Variants in TPCN1 observed in about 807,000 individuals in gnomAD.
TPCN1 encodes two pore segment channel 1, also known as two pore channel protein 1.
Under a neutral mutation model 108.8 loss-of-function variants are expected in TPCN1, and 52 were observed. The observed-to-expected ratio is 0.48, with a 90% CI of 0.38 to 0.60. The LOEUF is 0.60. Among genes scored for constraint, TPCN1 ranks in the 20% least tolerant of loss-of-function variants. The pLI, the probability that TPCN1 is intolerant of heterozygous loss-of-function variation, is 0.00. For missense variants in TPCN1, 806 were observed against 1,072.8 expected (o/e 0.75, Z 3.47); for synonymous variants, 446 against 433.7 (o/e 1.03, Z -0.35).
rs190619978 is a variant in TPCN1 at position 113,262,733 on chromosome 12, T to C, written c.237+2241T>C. Reference sequence around the variant, plus strand: ...CCTAAGCAGGTGAGGACATTGGTAATGAACATAGGAACTTTAAGGGGGCAC... The same window carrying C: ...CCTAAGCAGGTGAGGACATTGGTAACGAACATAGGAACTTTAAGGGGGCAC... On this transcript the variant is annotated intron_variant, in intron 3 of 27. Coordinates refer to ENST00000335509, the MANE Select transcript of TPCN1 (RefSeq NM_017901.6). Among the ~76,000 whole-genome samples, 37 of 152,258 alleles carry C rather than the reference T, an allele frequency of 2.4e-4. 1 individual carries two copies. The East Asian group carries it at 6.4e-3, about 26-fold the overall frequency.
At chr12:113,251,772 C>T (rs572808574) in intron 2 of TPCN1, among the ~76,000 whole-genome samples, 2 of 152,356 alleles carry the variant, frequency 1.3e-5, no homozygotes, top group East Asian at 3.9e-4. Context: ...TCCAAGGAGT[C>T]AGTCTTTTTC....
At chr12:113,227,420 G>A (rs746362132) in intron 2 of TPCN1, among the ~76,000 whole-genome samples, 1 of 152,202 alleles carries the variant, frequency 6.6e-6, no homozygotes, top group Non-Finnish European at 1.5e-5. Context: ...TTCTTGCCCA[G>A]GACAGCGGGG....
intron 14 of TPCN1, 26 bp downstream of exon 14, chr12:113,278,861 G>A (rs772661474): frequency 1.2e-6 from 2 of 1,612,056 alleles, no homozygotes; most frequent in Non-Finnish European, 1.7e-6. Context: ...TATGGCAGGT[G>A]TTGGCAGCTG....
Position 113,268,850 on chromosome 12 carries a change from C to A in TPCN1, c.637C>A (p.Arg213=). ...GCGCTGCATTTTCCTGGTGGACTGT[C>A]GGTATTGCGGTGGCGTCCGGCGGTA... ...ALRCIFLVDC[R]YCGGVRRNLR... is the part of the protein sequence containing the mutation. Residue 213 remains arginine, a synonymous_variant, in exon 6 of 28, where the codon CGG becomes AGG. Coordinates refer to ENST00000335509, the MANE Select transcript of TPCN1 (RefSeq NM_017901.6). The surrounding 1 kb of genome is among the most constrained non-coding windows in gnomAD (Gnocchi z 7.3). The A allele has an allele frequency of 6.2e-7, 1 of 1,613,954 alleles. No individual in the cohort carries two copies. Among genetic ancestry groups the A allele is most frequent in the East Asian group, 2.2e-5 (1 of 44,880 alleles).
intron 2 of TPCN1, among the ~76,000 whole-genome samples, chr12:113,252,965 G>A (rs1954703424): frequency 6.6e-6 from 1 of 152,194 alleles, no homozygotes; most frequent in African/African-American, 2.4e-5. Flanking sequence ...CCACTGTAGT[G>A]ATGGAAATGC....
At position 113,288,207 on chromosome 12, in the gene TPCN1, T is replaced by A. The variant is rs959425711; in HGVS notation, c.1679T>A (p.Met560Lys). The part of the protein sequence containing the change: ...KERYRNVLDT[M>K]FELLPRMASL... ...CGCTACCGCAACGTGCTGGACACCA[T>A]GTTCGAGCTGCTGCCCCGGATGGCC... The change falls in exon 20 of 28, where the codon ATG becomes AAG. Residue 560 changes from methionine (M) to lysine (K), a missense_variant. Coordinates refer to ENST00000335509, the MANE Select transcript of TPCN1 (RefSeq NM_017901.6). The surrounding 1 kb of genome is among the most constrained non-coding windows in gnomAD (Gnocchi z 4.8). 1.9e-6 allele frequency: 3 copies of A among 1,613,950 alleles called. No individual in the cohort carries two copies. The Admixed American group carries it at 5.0e-5, about 27-fold the overall frequency.
chr12:113,290,099 C>T lies in TPCN1; in HGVS notation c.1797-29C>T, dbSNP rs766197488. ...AGGTGACTGATCGCCTTGTGACCCT[C>T]CCTCCTTTCTCCCTTGTGCTCCGGC... On this transcript the variant is annotated intron_variant, in intron 21 of 27. Coordinates refer to ENST00000335509, the MANE Select transcript of TPCN1 (RefSeq NM_017901.6). The T allele has an allele frequency of 3.5e-6, 5 of 1,438,694 alleles. No homozygotes were observed. The African/African-American group carries it at 7.0e-5, about 20-fold the overall frequency. 89.1% of individuals were successfully genotyped at this position (1,438,694 alleles called of 1,614,324 possible).
In TPCN1 at chr12:113,293,032, ACCAGGCTGCTGGAGACCCTCT is replaced by A; in HGVS notation, c.2215_2235del (p.Arg739_Ser745del). ...GGCACGGGGGGCCTCCTCGGATGTC[ACCAGGCTGCTGGAGACCCTCT>A]CCCAGATGGAGAGATACCAGGTGAG... On this transcript the variant is annotated inframe_deletion, in exon 26 of 28. Transcript: ENST00000335509. 1 of 1,613,114 alleles carries A rather than the reference ACCAGGCTGCTGGAGACCCTCT, an allele frequency of 6.2e-7. No individual in the cohort carries two copies. The highest frequency in any genetic ancestry group is 2.2e-5 in the East Asian group (1 of 44,874).
At chr12:113,259,867 C>T (rs1315955603) in intron 2 of TPCN1, among the ~76,000 whole-genome samples, 4 of 152,148 alleles carry the variant, frequency 2.6e-5, no homozygotes, top group African/African-American at 9.7e-5. Flanking sequence ...GAGAGGAGGG[C>T]GTGGCTGTCA....
chr12:113,277,319 A>G lies in TPCN1; in HGVS notation c.1139A>G (p.Tyr380Cys), dbSNP rs1391698534. ...CCCCGGATGAGTGCCAGGGAGCGCT[A>G]TCTTACCTTCAAGGCCCTGAATCAG... ...YKPRMSARER[Y>C]LTFKALNQNN... The change falls in exon 12 of 28, where the codon TAT (tyrosine) becomes TGT (cysteine). Residue 380 changes from tyrosine (Y) to cysteine (C), a missense_variant. By Grantham distance (194) the Tyr-to-Cys change is radical. Transcript: ENST00000335509. 22 of 1,614,188 alleles carry G rather than the reference A, an allele frequency of 1.4e-5. No individual in the cohort carries two copies. Among genetic ancestry groups the G allele is most frequent in the South Asian group, 3.3e-5 (3 of 91,088 alleles).
chr12:113,270,856 G>A (rs372100511), intron 7 of TPCN1, among the ~76,000 whole-genome samples: 1 of 152,068 alleles, frequency 6.6e-6, no homozygotes, highest in Non-Finnish European at 1.5e-5. Flanking sequence ...TCCCACAGCC[G>A]CCACCTCCTA....
At chr12:113,236,813 T>A (rs1232340460) in intron 2 of TPCN1, among the ~76,000 whole-genome samples, 1 of 152,148 alleles carries the variant, frequency 6.6e-6, no homozygotes, top group Non-Finnish European at 1.5e-5. Context: ...TAAGCTTTGA[T>A]TTCCTCATCC....
At chr12:113,237,190 G>A (rs1953929746) in intron 2 of TPCN1, among the ~76,000 whole-genome samples, 1 of 152,096 alleles carries the variant, frequency 6.6e-6, no homozygotes, top group Non-Finnish European at 1.5e-5. Context: ...CCTGAATAGG[G>A]GTTACTTTTC....
At position 113,260,389 on chromosome 12, in the gene TPCN1, A is replaced by G. The variant is rs1162582609; in HGVS notation, c.134A>G (p.His45Arg). The G allele has an allele frequency of 6.6e-7, 1 of 1,507,100 alleles. No homozygotes were observed. Among genetic ancestry groups the G allele is most frequent in the Non-Finnish European group, 8.8e-7 (1 of 1,132,130 alleles). 93.4% of individuals were successfully genotyped at this position (1,507,100 alleles called of 1,614,324 possible). The change falls in exon 3 of 28, where the codon CAC (histidine) becomes CGC (arginine). Residue 45 changes from histidine to arginine, a missense_variant. By Grantham distance (29) the His-to-Arg change is conservative. Transcript: ENST00000335509. The part of the protein sequence containing the change: ...PSKNGGSYAI[H>R]DSQAPSLSSG... Reference sequence around the variant, plus strand: ...GCAGATGGCGGCAGCTATGCCATCCACGACTCCCAGGCCCCCAGTCTCAGC... The same window carrying G: ...GCAGATGGCGGCAGCTATGCCATCCGCGACTCCCAGGCCCCCAGTCTCAGC...
intron 17 of TPCN1, 50 bp from the exon 18 acceptor site, chr12:113,285,839 T>TG (rs760745531): frequency 7.4e-6 from 11 of 1,495,952 alleles, no homozygotes; most frequent in South Asian, 5.6e-5. Context: ...AGACCGAGCA[T>TG]GGGGGAGGAT....
rs1156748492 is a variant in TPCN1 at position 113,231,045 on chromosome 12, T to C, written c.112+4081T>C. Reference sequence around the variant, plus strand: ...TACTAAGGAGTTGGCAGAATGCAGATGCAGGCCATCCGCGGAGTTGGCAAC... The same window carrying C: ...TACTAAGGAGTTGGCAGAATGCAGACGCAGGCCATCCGCGGAGTTGGCAAC... On this transcript the variant is annotated intron_variant, in intron 2 of 27. Coordinates refer to ENST00000335509, the MANE Select transcript of TPCN1 (RefSeq NM_017901.6). This position sits in a 1 kb window ranked among gnomAD's most constrained non-coding sequence, Gnocchi z 4.3. 6.6e-6 allele frequency among the ~76,000 whole-genome samples: 1 copy of C among 152,224 alleles called. No homozygotes were observed. The highest frequency in any genetic ancestry group is 2.4e-5 in the African/African-American group (1 of 41,464).
At chr12:113,271,185 A>G (rs1955485274) in intron 7 of TPCN1, among the ~76,000 whole-genome samples, 1 of 152,066 alleles carries the variant, frequency 6.6e-6, no homozygotes, top group South Asian at 2.1e-4. Flanking sequence ...GTGAGGCAGG[A>G]GGATCACCTG....
rs1410954796 is a variant in TPCN1 at position 113,260,374 on chromosome 12, G to A, written c.119G>A (p.Gly40Asp). The change falls in exon 3 of 28, where the codon GGC becomes GAC. Residue 40 changes from glycine to aspartate, a missense_variant. Transcript: ENST00000335509. ...CTCTCCTCTTCCAATGCAGATGGCGGCAGCTATGCCATCCACGACTCCCAG... is the reference window on the plus strand; with the variant it reads ...CTCTCCTCTTCCAATGCAGATGGCGACAGCTATGCCATCCACGACTCCCAG... The part of the protein sequence containing the change: ...GQEELPSKNG[G>D]SYAIHDSQAP... 2.0e-6 allele frequency: 3 copies of A among 1,494,908 alleles called. No individual in the cohort carries two copies. Among genetic ancestry groups the A allele is most frequent in the East Asian group, 2.7e-5 (1 of 36,740 alleles). The allele number at this position is 1,494,908 out of a possible 1,614,324, so 92.6% of individuals were successfully genotyped here.
chr12:113,293,020 T>C lies in TPCN1; in HGVS notation c.2200T>C (p.Ser734Pro), dbSNP rs1566208442. The change falls in exon 26 of 28, where the codon TCC (serine) becomes CCC (proline). Residue 734 changes from serine (S) to proline (P), a missense_variant. Transcript: ENST00000335509. ...LELYREARGA[S>P]SDVTRLLETL... ...GCTCTACCGGGAGGCACGGGGGGCC[T>C]CCTCGGATGTCACCAGGCTGCTGGA... 1 of 1,613,180 alleles carries C rather than the reference T, an allele frequency of 6.2e-7. No homozygotes were observed. Among genetic ancestry groups the C allele is most frequent in the Non-Finnish European group, 8.5e-7 (1 of 1,179,974 alleles).
Sources: allele counts gnomAD v4.1 joint callset (sites outside exome capture counted in the v4.1 genomes callset), GRCh38; gene constraint gnomAD v4.1.1; non-coding constraint Gnocchi (gnomAD v3.1); transcripts MANE v1.5; gene names NCBI Gene and HGNC (gene_info 2026-07-23, HGNC 2026-07-21).